The following SHB variants were observed in gnomAD, a reference collection of about 807,000 sequenced individuals.
SHB encodes the protein SH2 domain-containing adapter protein B.
A neutral mutation model predicts 52.3 loss-of-function variants in SHB; 20 were observed. The ratio of observed to expected loss-of-function variants is 0.38; its 90% confidence interval spans 0.27 to 0.56. SHB has a LOEUF of 0.56. SHB is among the 20% of genes least tolerant of loss of function. SHB has a pLI of 0.71. For synonymous variants in SHB, 397 were observed against 316.5 expected (o/e 1.25, Z -2.70); for missense variants, 825 against 723.3 (o/e 1.14, Z -1.61).
intron 3 of SHB, among the ~76,000 whole-genome samples, chr9:37,967,545 C>T (rs1486509158): frequency 6.6e-6 from 1 of 152,184 alleles, no homozygotes; most frequent in Non-Finnish European, 1.5e-5. Context: ...TCAGGGAAAG[C>T]TTCCTGGAGG....
intron 2 of SHB, among the ~76,000 whole-genome samples, chr9:38,006,173 C>A (rs1282443724): frequency 6.6e-6 from 1 of 152,178 alleles, no homozygotes; most frequent in African/African-American, 2.4e-5. Flanking sequence ...ACAGCACCCA[C>A]TGGCTGGTGG....
At chr9:38,047,985 A>T (rs1305721968) in intron 1 of SHB, among the ~76,000 whole-genome samples, 2 of 152,200 alleles carry the variant, frequency 1.3e-5, no homozygotes, top group African/African-American at 4.8e-5. Context: ...ACTTCCTGTG[A>T]TCCTCATCGC....
chr9:38,067,888 G>C (rs1374452503), intron 1 of SHB, 41 bp downstream of exon 1: 1 of 1,417,906 alleles, frequency 7.1e-7, no homozygotes, highest in East Asian at 3.0e-5. Context: ...CGTGCGCACC[G>C]TGGCTCTGGA....
chr9:37,957,350 C>T (rs967509807), intron 3 of SHB, among the ~76,000 whole-genome samples: 3 of 152,220 alleles, frequency 2.0e-5, no homozygotes, highest in Non-Finnish European at 4.4e-5. Context: ...TCAGCGCTGG[C>T]GGGGTAACGT....
intron 2 of SHB, among the ~76,000 whole-genome samples, chr9:38,001,775 C>A (rs1451114579): frequency 6.6e-6 from 1 of 152,206 alleles, no homozygotes; most frequent in East Asian, 1.9e-4. Context: ...TCTCTCCCAG[C>A]GTCTACCATG....
At chr9:38,019,066 A>G (rs1032217368) in intron 1 of SHB, among the ~76,000 whole-genome samples, 1 of 152,224 alleles carries the variant, frequency 6.6e-6, no homozygotes, top group African/African-American at 2.4e-5. Context: ...TGGGTCCACA[A>G]GAAGCTTTCC....
chr9:38,030,596 T>C (rs1471917853), intron 1 of SHB, among the ~76,000 whole-genome samples: 3 of 152,220 alleles, frequency 2.0e-5, no homozygotes, highest in African/African-American at 7.2e-5. Flanking sequence ...AGGGCTAGCT[T>C]CACAGGTGAG....
rs771050874 is a variant in SHB, at chr9:38,068,308, T to C, written c.338A>G (p.Asp113Gly). Residue 113 changes from aspartate (D) to glycine (G), a missense_variant, in exon 1 of 6, where the codon GAC (aspartate) becomes GGC (glycine). Transcript: ENST00000377707. ...LRKLRAMCRL[D>G]YCGGSGEPGG... ...TGGCTCCCCGCTGCCGCCGCAGTAG[T>C]CCAGGCGGCACATGGCGCGCAGTTT... 1.1e-5 allele frequency: 17 copies of C among 1,514,918 alleles called. No individual in the cohort carries two copies. In the Admixed American group the frequency reaches 3.0e-4, roughly 27 times the overall value. 93.8% of individuals were successfully genotyped at this position (1,514,918 alleles called of 1,614,324 possible).
Position 37,916,413 on chromosome 9 carries a change from TCAC to T in SHB, c.*3405_*3407del, listed in dbSNP as rs1399942511. On this transcript the variant is annotated 3_prime_UTR_variant, in exon 6 of 6. Transcript: ENST00000377707. The stretch of plus-strand genomic sequence containing the variant: ...CTTGCCAGGCCCTTGGTCAATGATA[TCAC>T]CACTTCTGAGACAGCGTCTGGGGAG... Among the ~76,000 whole-genome samples, 2 of 152,224 alleles carry T rather than the reference TCAC, an allele frequency of 1.3e-5. No homozygotes were observed. The highest frequency in any genetic ancestry group is 4.8e-5 in the African/African-American group (2 of 41,458).
Position 38,015,602 on chromosome 9 carries a change from C to T in SHB, c.838+409G>A, listed in dbSNP as rs971998675. 1.6e-5 allele frequency: 10 copies of T among 612,576 alleles called. No homozygotes were observed. The East Asian group carries it at 1.7e-4, about 10-fold the overall frequency. The allele number at this position is 612,576 out of a possible 1,614,324, so 37.9% of individuals were successfully genotyped here. A position where few individuals can be genotyped will look rare whatever the true frequency, so the allele number is the denominator to read the frequency against. On this transcript the variant is annotated intron_variant, in intron 2 of 5. Coordinates refer to ENST00000377707, the MANE Select transcript of SHB (RefSeq NM_003028.3). ...TGGCCAGCTCTCTTCTACTAAGCAACGAAAGCCAGGTGACCCAGCCTGCTT... is the reference window on the plus strand; with the variant it reads ...TGGCCAGCTCTCTTCTACTAAGCAATGAAAGCCAGGTGACCCAGCCTGCTT...
chr9:37,926,087 A>G (rs1362941443), intron 5 of SHB, among the ~76,000 whole-genome samples: 2 of 152,106 alleles, frequency 1.3e-5, no homozygotes, highest in Non-Finnish European at 2.9e-5. Flanking sequence ...GCCCAGCTCT[A>G]ATGCTAACCT....
intron 1 of SHB, among the ~76,000 whole-genome samples, chr9:38,058,075 TAC>T (rs1020396981): frequency 2.0e-5 from 3 of 152,306 alleles, no homozygotes; most frequent in African/African-American, 7.2e-5. Context: ...CTGGCAAATA[TAC>T]CATGGCATGC....
chr9:37,936,040 TAA>T (rs1223430103), intron 5 of SHB, among the ~76,000 whole-genome samples: 22 of 122,564 alleles, frequency 1.8e-4, no homozygotes, highest in Non-Finnish European at 1.2e-4. Flanking sequence ...CCGTCTCTAC[TAA>T]AAAAAAAAAA....
intron 2 of SHB, among the ~76,000 whole-genome samples, chr9:37,982,864 G>A (rs749884606): frequency 1.2e-4 from 18 of 152,096 alleles, no homozygotes; most frequent in Non-Finnish European, 1.6e-4. Context: ...GTAAACATCA[G>A]AAGAAACCTG....
At chr9:37,953,164 AG>A in intron 4 of SHB, among the ~76,000 whole-genome samples, 1 of 152,144 alleles carries the variant, frequency 6.6e-6, no homozygotes, top group South Asian at 2.1e-4. Context: ...CGGAGGACAG[AG>A]GGGGTCGTCT....
intron 3 of SHB, 39 bp from the exon 4 acceptor site, chr9:37,956,093 C>T: frequency 6.5e-7 from 1 of 1,543,162 alleles, no homozygotes; most frequent in Non-Finnish European, 8.8e-7. Context: ...TAGCAGAGCT[C>T]AGCCCAGGGA....
chr9:37,996,344 AGCC>A (rs1820946289), intron 2 of SHB, among the ~76,000 whole-genome samples: 1 of 152,234 alleles, frequency 6.6e-6, no homozygotes, highest in Non-Finnish European at 1.5e-5. Flanking sequence ...TCATGGTTGA[AGCC>A]TGCTCAACAG....
intron 2 of SHB, among the ~76,000 whole-genome samples, chr9:37,975,382 C>A (rs146466470): frequency 8.1e-4 from 123 of 152,334 alleles, no homozygotes; most frequent in African/African-American, 2.9e-3. Context: ...GCCTGAGTGA[C>A]CCCTTCCCTT....
intron 1 of SHB, among the ~76,000 whole-genome samples, chr9:38,023,760 T>C (rs1052532704): frequency 6.6e-6 from 1 of 152,188 alleles, no homozygotes; most frequent in Non-Finnish European, 1.5e-5. Context: ...CTTCCGCCTG[T>C]GTGCTGGGAG....
Sources: gnomAD v4.1 joint callset for allele counts (sites outside exome capture counted in the v4.1 genomes callset) on GRCh38, gnomAD v4.1.1 for gene constraint, MANE v1.5 for transcripts, NCBI Gene and HGNC (gene_info 2026-07-23, HGNC 2026-07-21) for gene names.